The following CLSTN1 variants were observed in gnomAD, a reference collection of about 807,000 sequenced individuals.
The protein encoded by CLSTN1 is calsyntenin-1.
In CLSTN1, 28 loss-of-function variants were observed where a neutral mutation model predicts 108.3. That is an observed-to-expected ratio of 0.26 (90% CI 0.19 to 0.35). The LOEUF is 0.35. CLSTN1 is among the 10% of genes least tolerant of loss of function. The pLI is 1.00. For synonymous variants in CLSTN1, 524 were observed against 534.9 expected (o/e 0.98, Z 0.28); for missense variants, 1,157 against 1,302.6 (o/e 0.89, Z 1.72).
At chr1:9,772,008 ACT>A (rs1652710258) in intron 2 of CLSTN1, among the ~76,000 whole-genome samples, 1 of 146,818 alleles carries the variant, frequency 6.8e-6, no homozygotes. Context: ...ACAGAGTCTC[ACT>A]CTGTCGCCCA....
intron 1 of CLSTN1, among the ~76,000 whole-genome samples, chr1:9,782,325 A>C (rs1653285752): frequency 6.6e-6 from 1 of 152,238 alleles, no homozygotes; most frequent in Non-Finnish European, 1.5e-5. Context: ...AAAATGTGTA[A>C]AATGAAACAT....
chr1:9,802,629 T>C (rs1442008820), intron 1 of CLSTN1, among the ~76,000 whole-genome samples: 1 of 152,084 alleles, frequency 6.6e-6, no homozygotes, highest in Non-Finnish European at 1.5e-5. Flanking sequence ...GAAACAGGGT[T>C]AAAGACACCC....
At position 9,751,684 on chromosome 1, in the gene CLSTN1, G is replaced by A. The variant is rs1332155915; in HGVS notation, c.441-3C>T. ...TCACCTGAATATGAACAGTTGCTCT[G>A]GACAAAGGGAGGGAGAAAAATATTT... On this transcript the variant is annotated splice_polypyrimidine_tract_variant and splice_region_variant and intron_variant, in intron 4 of 18. Transcript: ENST00000377298. 1.9e-6 allele frequency: 3 copies of A among 1,613,000 alleles called. No homozygotes were observed. The highest frequency in any genetic ancestry group is 1.1e-5 in the South Asian group (1 of 91,072).
chr1:9,782,813 C>T (rs1456914431), intron 1 of CLSTN1, among the ~76,000 whole-genome samples: 1 of 151,884 alleles, frequency 6.6e-6, no homozygotes, highest in East Asian at 1.9e-4. Context: ...TCAAGACCAA[C>T]CTGGCCAACA....
At chr1:9,747,868 C>A (rs1187222872) in intron 7 of CLSTN1, among the ~76,000 whole-genome samples, 2 of 151,888 alleles carry the variant, frequency 1.3e-5, no homozygotes, top group Admixed American at 6.6e-5. Context: ...ACGGTGAAAC[C>A]CCGTTTCTAC....
chr1:9,806,605 C>A (rs190228310), intron 1 of CLSTN1, among the ~76,000 whole-genome samples: 1 of 152,180 alleles, frequency 6.6e-6, no homozygotes, highest in East Asian at 1.9e-4. Context: ...CGAGGCCGGG[C>A]GCGGTGGCTC....
rs1222974396 is a variant in CLSTN1 at position 9,823,729 on chromosome 1, A to T, written c.5T>A (p.Leu2Gln). The T allele has an allele frequency of 9.4e-7, 1 of 1,066,774 alleles. No individual in the cohort carries two copies. The highest frequency in any genetic ancestry group is 1.1e-6 in the Non-Finnish European group (1 of 884,220). The allele number at this position is 1,066,774 out of a possible 1,614,324, so 66.1% of individuals were successfully genotyped here. A position where few individuals can be genotyped will look rare whatever the true frequency, so the allele number is the denominator to read the frequency against. M[L>Q]RRPAPALAPA... ...GGCCAGCGCGGGAGCGGGGCGGCGC[A>T]GCATCGCCAGCCCGGGGCGGGAGCG... Residue 2 changes from leucine to glutamine, a missense_variant, in exon 1 of 19, where the codon CTG (leucine) becomes CAG (glutamine). Physicochemically the swap from Leu to Gln is moderately radical, Grantham distance 113. Transcript: ENST00000377298. This position sits in a 1 kb window ranked among gnomAD's most constrained non-coding sequence, Gnocchi z 6.3.
intron 3 of CLSTN1, 69 bp from the exon 4 acceptor site, chr1:9,755,378 C>T: frequency 8.0e-7 from 1 of 1,255,022 alleles, no homozygotes; most frequent in Non-Finnish European, 1.1e-6. Context: ...CCCTCCTCCC[C>T]CCATCTCCAC....
chr1:9,783,486 A>C (rs548479722), intron 1 of CLSTN1, among the ~76,000 whole-genome samples: 1 of 152,118 alleles, frequency 6.6e-6, no homozygotes, highest in Non-Finnish European at 1.5e-5. Context: ...TCGGGAGGCC[A>C]AGGCGGGTGG....
intron 11 of CLSTN1, 22 bp downstream of exon 11, chr1:9,737,476 T>A: frequency 6.2e-7 from 1 of 1,605,944 alleles, no homozygotes; most frequent in Non-Finnish European, 8.5e-7. Flanking sequence ...CAATAGTGAA[T>A]GTAGGGAAAA....
rs890575557 is a variant in CLSTN1 at position 9,731,391 on chromosome 1, CTG to C, written c.2564-3_2564-2del. ...ACAACTGTCGCAGTGCTGGGGACGA[CTG>C]TGGGAGAATGAGGGGGCGGGATGCG... On this transcript the variant is annotated splice_acceptor_variant and splice_polypyrimidine_tract_variant and intron_variant, in intron 17 of 18. Transcript: ENST00000377298. LOFTEE classifies it high-confidence loss of function. 4 of 1,612,918 alleles carry C rather than the reference CTG, an allele frequency of 2.5e-6. No individual in the cohort carries two copies. Among genetic ancestry groups the C allele is most frequent in the East Asian group, 2.2e-5 (1 of 44,824 alleles).
In CLSTN1 at chr1:9,737,921, C is replaced by T. The variant is rs148078262; in HGVS notation, c.1520-367G>A. On this transcript the variant is annotated intron_variant, in intron 10 of 18. Transcript: ENST00000377298. ...GCTGAGCCTGGGCTGCAATGCTGCT[C>T]CCGATATAAACACCACCAAGTTCCG... Among the ~76,000 whole-genome samples, 412 of 152,306 alleles carry T rather than the reference C, an allele frequency of 2.7e-3. No individual in the cohort carries two copies. The Middle Eastern group carries it at 0.031, about 11-fold the overall frequency.
At chr1:9,759,754 G>A (rs1256049833) in intron 2 of CLSTN1, among the ~76,000 whole-genome samples, 5 of 152,282 alleles carry the variant, frequency 3.3e-5, no homozygotes, top group Admixed American at 6.5e-5. Context: ...GTTCTTCACC[G>A]AAAAGGTTTG....
At chr1:9,818,757 A>G (rs1386602199) in intron 1 of CLSTN1, among the ~76,000 whole-genome samples, 1 of 149,972 alleles carries the variant, frequency 6.7e-6, no homozygotes, top group Non-Finnish European at 1.5e-5. Flanking sequence ...ACTTATAAAG[A>G]CATATTTCTT....
chr1:9,813,037 G>GTACA (rs1303699281), intron 1 of CLSTN1, among the ~76,000 whole-genome samples: 3 of 147,540 alleles, frequency 2.0e-5, no homozygotes, highest in Non-Finnish European at 4.5e-5. Context: ...GGTGGCGGGT[G>GTACA]CCTAGTAATC....
At chr1:9,732,971 G>T (rs1263218202) in intron 16 of CLSTN1, among the ~76,000 whole-genome samples, 2 of 152,198 alleles carry the variant, frequency 1.3e-5, no homozygotes, top group African/African-American at 4.8e-5. Context: ...CAAGTGGATT[G>T]CTTGAACCTG....
chr1:9,744,057 A>C (rs1475764650), intron 8 of CLSTN1, 52 bp from the exon 9 acceptor site: 1 of 1,596,210 alleles, frequency 6.3e-7, no homozygotes, highest in South Asian at 1.1e-5. Flanking sequence ...CCAAAGGAGA[A>C]ATTAAAGCTG....
At chr1:9,802,025 C>T (rs1359641414) in intron 1 of CLSTN1, among the ~76,000 whole-genome samples, 1 of 152,196 alleles carries the variant, frequency 6.6e-6, no homozygotes, top group Non-Finnish European at 1.5e-5. Context: ...TCAATCCCCC[C>T]ACCCACTCTG....
rs1368640882 is a variant in CLSTN1, at chr1:9,749,806, C to A, written c.757G>T (p.Val253Leu). The change falls in exon 6 of 19, where the codon GTG (valine) becomes TTG (leucine). Residue 253 changes from valine to leucine, a missense_variant. Physicochemically the swap from Val to Leu is conservative, Grantham distance 32. Coordinates refer to ENST00000377298, the MANE Select transcript of CLSTN1 (RefSeq NM_001009566.3). ...GKKRATEDVL[V>L]KISIKPTCTP... ...CAGGTGGGCTTAATGCTGATCTTCA[C>A]CAAAACATCTTCTGTGGCTCTTTTC... The A allele has an allele frequency of 6.2e-7, 1 of 1,614,200 alleles. No homozygotes were observed.
Sources: gnomAD v4.1 joint callset for allele counts (sites outside exome capture counted in the v4.1 genomes callset) on GRCh38, gnomAD v4.1.1 for gene constraint, Gnocchi (gnomAD v3.1) non-coding constraint, MANE v1.5 for transcripts, NCBI Gene and HGNC (gene_info 2026-07-23, HGNC 2026-07-21) for gene names.